The following HIVEP3 variants were observed in gnomAD, a reference collection of about 807,000 sequenced individuals.
HIVEP3 encodes transcription factor HIVEP3.
In HIVEP3, 49 loss-of-function variants were observed where a neutral mutation model predicts 152.8. The observed-to-expected ratio is 0.32, with a 90% CI of 0.26 to 0.41. The LOEUF is 0.41. Ranked by LOEUF, HIVEP3 falls within the 10% of genes least tolerant of loss-of-function variation. HIVEP3 has a pLI of 1.00. For missense variants in HIVEP3, 2,790 were observed against 3,103.3 expected (o/e 0.90, Z 2.40); for synonymous variants, 1,269 against 1,289.0 (o/e 0.98, Z 0.33).
rs142362790 is a variant in HIVEP3, at chr1:41,566,244, C to A, written c.5207+9300G>T. Among the ~76,000 whole-genome samples the A allele has an allele frequency of 2.6e-4, 40 of 152,250 alleles. 1 individual carries two copies. In the South Asian group the frequency reaches 5.4e-3, roughly 21 times the overall value. On this transcript the variant is annotated intron_variant, in intron 5 of 8. Coordinates refer to ENST00000372583, the MANE Select transcript of HIVEP3 (RefSeq NM_024503.5). ...TGCATGGTGGGTGAAGACCTCAAGC[C>A]CATAGGTGGCCTGGAATAGTGAAAA...
chr1:41,671,624 C>A (rs1393502192), intron 2 of HIVEP3, among the ~76,000 whole-genome samples: 5 of 152,264 alleles, frequency 3.3e-5, no homozygotes, highest in Non-Finnish European at 7.3e-5. Flanking sequence ...AGCCACAGGT[C>A]AAATGAGGCT....
In HIVEP3 at chr1:41,944,636, C is replaced by T. The variant is rs577182467; in HGVS notation, n.120-26112G>A. ...AAAGGACCACTGGAATCCAGCAGCCCGGATCCCTTTCTTTGTGGTCAAGAA... is the reference window on the plus strand; with the variant it reads ...AAAGGACCACTGGAATCCAGCAGCCTGGATCCCTTTCTTTGTGGTCAAGAA... On this transcript the variant is annotated intron_variant and non_coding_transcript_variant, in intron 1 of 3. Coordinates refer to the HIVEP3 transcript ENST00000489103. Among the ~76,000 whole-genome samples the T allele has an allele frequency of 6.6e-4, 101 of 152,234 alleles. 1 individual carries two copies. Among genetic ancestry groups the T allele is most frequent in the Non-Finnish European group, 1.2e-3 (84 of 68,018 alleles).
chr1:41,705,551 C>T (rs932018094), intron 1 of HIVEP3, among the ~76,000 whole-genome samples: 1 of 152,192 alleles, frequency 6.6e-6, no homozygotes, highest in Non-Finnish European at 1.5e-5. Flanking sequence ...CAGACCGAGG[C>T]TCAAAACACT....
At chr1:41,768,993 G>A (rs1209751695) in intron 1 of HIVEP3, among the ~76,000 whole-genome samples, 1 of 152,222 alleles carries the variant, frequency 6.6e-6, no homozygotes, top group African/African-American at 2.4e-5. Flanking sequence ...TATGAAGCCT[G>A]CCAATCTCAT....
intron 1 of HIVEP3, among the ~76,000 whole-genome samples, chr1:42,027,761 T>G (rs1262561274): frequency 6.6e-6 from 1 of 152,320 alleles, no homozygotes; most frequent in East Asian, 1.9e-4. Flanking sequence ...TAAAAGGCAC[T>G]TCTTACATGG....
At position 41,798,178 on chromosome 1, in the gene HIVEP3, T is replaced by C. The variant is rs192369858; in HGVS notation, c.-800-97183A>G. Among the ~76,000 whole-genome samples, 639 of 151,746 alleles carry C rather than the reference T, an allele frequency of 4.2e-3. 5 individuals are homozygous for C. The highest frequency in any genetic ancestry group is 0.014 in the African/African-American group (581 of 41,326). ...TGGGGAGGGATAGCATTAGGAGATA[T>C]ACCTAATGTAAATGACGAGTTAATG... On this transcript the variant is annotated intron_variant, in intron 1 of 8. Coordinates refer to ENST00000372583, the MANE Select transcript of HIVEP3 (RefSeq NM_024503.5).
At chr1:41,711,951 G>A (rs1423865316) in intron 1 of HIVEP3, among the ~76,000 whole-genome samples, 2 of 152,236 alleles carry the variant, frequency 1.3e-5, no homozygotes, top group Non-Finnish European at 2.9e-5. Context: ...GGCAAACAGG[G>A]CAGCAAACAC....
In HIVEP3 at chr1:41,706,580, C is replaced by T. The variant is rs570072066; in HGVS notation, c.-800-5585G>A. On this transcript the variant is annotated intron_variant, in intron 1 of 8. Transcript: ENST00000372583. ...TACAGGCGTAAGCCACCGTGCCAGG[C>T]TGGAATACATGTATTTTAAAAAGAG... Among the ~76,000 whole-genome samples the T allele has an allele frequency of 9.8e-5, 15 of 152,334 alleles. No individual in the cohort carries two copies. The East Asian group carries it at 1.9e-3, about 20-fold the overall frequency.
intron 1 of HIVEP3, among the ~76,000 whole-genome samples, chr1:41,786,117 G>C (rs1010966754): frequency 1.3e-5 from 2 of 152,238 alleles, no homozygotes; most frequent in African/African-American, 4.8e-5. Context: ...GGCTGCCTGG[G>C]CATGGATCCT....
intron 1 of HIVEP3, among the ~76,000 whole-genome samples, chr1:41,787,524 T>C (rs1195432577): frequency 7.0e-6 from 1 of 142,940 alleles, no homozygotes; most frequent in Non-Finnish European, 1.5e-5. Context: ...CTCTTTTCCT[T>C]TTCTTTCTTT....
At chr1:42,034,968 C>T (rs868754690) in intron 1 of HIVEP3, among the ~76,000 whole-genome samples, 3 of 152,256 alleles carry the variant, frequency 2.0e-5, no homozygotes, top group Middle Eastern at 3.4e-3. Context: ...TGGCCAAAAG[C>T]ATCTCTCCAT....
At chr1:41,930,651 TATA>T (rs1644992048) in intron 1 of HIVEP3, among the ~76,000 whole-genome samples, 1 of 152,172 alleles carries the variant, frequency 6.6e-6, no homozygotes, top group Admixed American at 6.5e-5. Context: ...TGCCGGGTCA[TATA>T]ATAAGTATAT....
Position 41,796,460 on chromosome 1 carries a change from G to T in HIVEP3, c.-800-95465C>A, listed in dbSNP as rs559265617. Among the ~76,000 whole-genome samples, 3 of 152,364 alleles carry T rather than the reference G, an allele frequency of 2.0e-5. No individual in the cohort carries two copies. In the South Asian group the frequency reaches 6.2e-4, roughly 32 times the overall value. ...CAGCCCTGCCACTAACTACCTCCTGGTCGATTCTTTTTCCGTAAAATGAGG... is the reference window on the plus strand; with the variant it reads ...CAGCCCTGCCACTAACTACCTCCTGTTCGATTCTTTTTCCGTAAAATGAGG... On this transcript the variant is annotated intron_variant, in intron 1 of 8. Transcript: ENST00000372583.
At chr1:41,690,756 A>G (rs1370223230) in intron 2 of HIVEP3, among the ~76,000 whole-genome samples, 1 of 152,122 alleles carries the variant, frequency 6.6e-6, no homozygotes, top group Non-Finnish European at 1.5e-5. Context: ...TGTCTCTACT[A>G]AAAATACAAA....
At chr1:41,680,166 A>T (rs1646017019) in intron 2 of HIVEP3, among the ~76,000 whole-genome samples, 1 of 152,288 alleles carries the variant, frequency 6.6e-6, no homozygotes, top group South Asian at 2.1e-4. Context: ...TAAGGATGTG[A>T]CATAGTCATT....
At position 41,918,562 on chromosome 1, in the gene HIVEP3, T is replaced by C. The variant is rs1028369499; in HGVS notation, c.-950A>G. 6.6e-6 allele frequency: 1 copy of C among 152,170 alleles called. No homozygotes were observed. The highest frequency in any genetic ancestry group is 6.5e-5 in the Admixed American group (1 of 15,280). The allele number at this position is 152,170 out of a possible 1,614,324, so 9.4% of individuals were successfully genotyped here. The stretch of plus-strand genomic sequence containing the variant: ...AGGGGTAAAGACCTTATTGAAAGAA[T>C]TGTCCTTAAAAAATAACCTGTGCAT... On this transcript the variant is annotated 5_prime_UTR_variant, in exon 1 of 9. Transcript: ENST00000372583. The surrounding 1 kb of genome is among the most constrained non-coding windows in gnomAD (Gnocchi z 4.3).
At chr1:41,566,152 C>A (rs929697003) in intron 5 of HIVEP3, among the ~76,000 whole-genome samples, 1 of 152,110 alleles carries the variant, frequency 6.6e-6, no homozygotes, top group Non-Finnish European at 1.5e-5. Context: ...ACAACTTTTC[C>A]AAGAGTCTAA....
chr1:41,923,864 T>C (rs967850678), upstream of HIVEP3, among the ~76,000 whole-genome samples: 4 of 152,238 alleles, frequency 2.6e-5, no homozygotes, highest in African/African-American at 9.6e-5. Flanking sequence ...ATAGGTGTTA[T>C]GATTGACCAA....
chr1:41,942,702 G>C (rs1645051788), intron 1 of HIVEP3, among the ~76,000 whole-genome samples: 1 of 152,066 alleles, frequency 6.6e-6, no homozygotes, highest in Non-Finnish European at 1.5e-5. Flanking sequence ...ACCCCCAAAT[G>C]TTCATGAATT....
Sources: allele counts gnomAD v4.1 joint callset (sites outside exome capture counted in the v4.1 genomes callset), GRCh38; gene constraint gnomAD v4.1.1; non-coding constraint Gnocchi (gnomAD v3.1); transcripts MANE v1.5; gene names NCBI Gene and HGNC (gene_info 2026-07-23, HGNC 2026-07-21).